The following MYO1D variants were observed in gnomAD, a reference collection of about 807,000 sequenced individuals.
MYO1D encodes unconventional myosin-Id.
MYO1D carries 83 observed loss-of-function variants against 122.0 expected under a neutral mutation model. The observed-to-expected ratio is 0.68, with a 90% CI of 0.57 to 0.82. The LOEUF (loss-of-function observed/expected upper bound fraction) is 0.82, where lower values mean the gene tolerates loss of function less well. Among genes scored for constraint, MYO1D ranks in the 40% least tolerant of loss-of-function variants. The pLI, the probability that MYO1D is intolerant of heterozygous loss-of-function variation, is 0.00. For missense variants in MYO1D, 1,157 were observed against 1,269.5 expected, an observed-to-expected ratio of 0.91 and a Z score of 1.35; for synonymous variants, 464 against 446.9, an observed-to-expected ratio of 1.04 and a Z score of -0.48.
intron 21 of MYO1D, among the ~76,000 whole-genome samples, chr17:32,549,252 C>G (rs2150883129): frequency 6.6e-6 from 1 of 152,178 alleles, no homozygotes; most frequent in South Asian, 2.1e-4. Flanking sequence ...AGCACCACAC[C>G]CAGCTAATTT....
chr17:32,762,383 C>T (rs2090010294), intron 8 of MYO1D, among the ~76,000 whole-genome samples: 1 of 152,078 alleles, frequency 6.6e-6, no homozygotes, highest in Non-Finnish European at 1.5e-5. Flanking sequence ...CATAATAGGT[C>T]CTATGGATTT....
chr17:32,580,669 A>G (rs2087330006), intron 21 of MYO1D, among the ~76,000 whole-genome samples: 1 of 152,094 alleles, frequency 6.6e-6, no homozygotes, highest in Non-Finnish European at 1.5e-5. Context: ...TTGGGCTCCC[A>G]AAGTGCTGGG....
chr17:32,665,350 C>T (rs187573402), intron 16 of MYO1D, among the ~76,000 whole-genome samples: 66 of 152,274 alleles, frequency 4.3e-4, no homozygotes, highest in Non-Finnish European at 7.9e-4. Flanking sequence ...ATTTAAGGGC[C>T]ACTAGGCTGG....
At position 32,780,615 on chromosome 17, in the gene MYO1D, T is replaced by C. The variant is rs758987198; in HGVS notation, c.265A>G (p.Met89Val). 1.9e-6 allele frequency: 3 copies of C among 1,614,148 alleles called. No homozygotes were observed. Among genetic ancestry groups the C allele is most frequent in the South Asian group, 2.2e-5 (2 of 91,086 alleles). Reference sequence around the variant, plus strand: ...CAAGTGTCTTTTGATCGCCTCTTCATAGCCTTGTAAGCAGCATCCGCAATA... The same window carrying C: ...CAAGTGTCTTTTGATCGCCTCTTCACAGCCTTGTAAGCAGCATCCGCAATA... The part of the protein sequence containing the change: ...FAIADAAYKA[M>V]KRRSKDTCIV... The change falls in exon 2 of 22, where the codon ATG becomes GTG. Residue 89 changes from methionine to valine, a missense_variant. Met to Val is a conservative substitution (Grantham distance 21, BLOSUM62 1). Transcript: ENST00000318217.
intron 16 of MYO1D, among the ~76,000 whole-genome samples, chr17:32,663,381 G>C (rs976788139): frequency 1.3e-5 from 2 of 152,152 alleles, no homozygotes; most frequent in African/African-American, 4.8e-5. Context: ...CCTATAACAT[G>C]GACTGGTGTC....
chr17:32,637,223 T>G (rs933330692), intron 20 of MYO1D, among the ~76,000 whole-genome samples: 3 of 152,274 alleles, frequency 2.0e-5, no homozygotes, highest in African/African-American at 7.2e-5. Context: ...ACAATTAATT[T>G]TTTTGGTTTC....
At chr17:32,687,091 C>T (rs1212165522) in intron 16 of MYO1D, among the ~76,000 whole-genome samples, 2 of 151,896 alleles carry the variant, frequency 1.3e-5, no homozygotes, top group Non-Finnish European at 2.9e-5. Flanking sequence ...TTTAATACAA[C>T]TATACTATGA....
At chr17:32,659,031 A>G (rs1029957516) in intron 17 of MYO1D, 84 bp downstream of exon 17, 2 of 1,257,380 alleles carry the variant, frequency 1.6e-6, no homozygotes, top group South Asian at 1.3e-5. Context: ...AGCTGAGTCA[A>G]TATCACGGTC....
intron 17 of MYO1D, among the ~76,000 whole-genome samples, chr17:32,657,095 G>A (rs2088487306): frequency 6.6e-6 from 1 of 152,212 alleles, no homozygotes; most frequent in African/African-American, 2.4e-5. Flanking sequence ...AACAGCTGCA[G>A]CCATAAAAAT....
intron 21 of MYO1D, among the ~76,000 whole-genome samples, chr17:32,505,812 C>G (rs1909484020): frequency 6.6e-6 from 1 of 152,180 alleles, no homozygotes; most frequent in African/African-American, 2.4e-5. Flanking sequence ...AAAAGAACAT[C>G]TAATGCAGGG....
At chr17:32,841,809 C>T (rs1312326258) in intron 1 of MYO1D, among the ~76,000 whole-genome samples, 2 of 152,052 alleles carry the variant, frequency 1.3e-5, no homozygotes, top group African/African-American at 2.4e-5. Context: ...GATAAAGATG[C>T]GGTCTTTAGA....
At chr17:32,606,127 T>C (rs2087625424) in intron 20 of MYO1D, among the ~76,000 whole-genome samples, 2 of 152,202 alleles carry the variant, frequency 1.3e-5, no homozygotes, top group Admixed American at 1.3e-4. Context: ...AATAATTATT[T>C]AAGAGTCACA....
chr17:32,541,962 C>A (rs988951355), intron 21 of MYO1D, among the ~76,000 whole-genome samples: 7 of 152,192 alleles, frequency 4.6e-5, no homozygotes, highest in Non-Finnish European at 8.8e-5. Flanking sequence ...GCTAATTCCT[C>A]TCTTCTTCCT....
chr17:32,557,648 A>T (rs562938832), intron 21 of MYO1D, among the ~76,000 whole-genome samples: 2 of 152,006 alleles, frequency 1.3e-5, no homozygotes, highest in South Asian at 4.2e-4. Flanking sequence ...CTGGGACTAC[A>T]GGAGCACGCC....
At chr17:32,586,622 A>G (rs1301518093) in intron 21 of MYO1D, among the ~76,000 whole-genome samples, 2 of 152,158 alleles carry the variant, frequency 1.3e-5, no homozygotes, top group African/African-American at 4.8e-5. Context: ...TTCTCACTGA[A>G]CTTATGCTTT....
intron 13 of MYO1D, among the ~76,000 whole-genome samples, chr17:32,742,126 C>A (rs1007836078): frequency 6.6e-6 from 1 of 151,706 alleles, no homozygotes; most frequent in Non-Finnish European, 1.5e-5. Context: ...AACAATACAA[C>A]AACTATTTAC....
chr17:32,775,188 C>A (rs1272473160), intron 4 of MYO1D, among the ~76,000 whole-genome samples: 2 of 152,110 alleles, frequency 1.3e-5, no homozygotes, highest in Non-Finnish European at 2.9e-5. Context: ...GTGGTCCCAG[C>A]TACTCAGGAG....
intron 20 of MYO1D, among the ~76,000 whole-genome samples, chr17:32,616,312 T>C (rs2087768205): frequency 6.6e-6 from 1 of 152,024 alleles, no homozygotes; most frequent in African/African-American, 2.4e-5. Flanking sequence ...CATTCTAGTT[T>C]ATTTTACTTC....
At chr17:32,710,360 T>A (rs1239003519) in intron 16 of MYO1D, among the ~76,000 whole-genome samples, 1 of 152,174 alleles carries the variant, frequency 6.6e-6, no homozygotes, top group African/African-American at 2.4e-5. Flanking sequence ...GATTGCTTAG[T>A]AGATGATATT....
Sources: gnomAD v4.1 joint callset for allele counts (sites outside exome capture counted in the v4.1 genomes callset) on GRCh38, gnomAD v4.1.1 for gene constraint, MANE v1.5 for transcripts, NCBI Gene and HGNC (gene_info 2026-07-23, HGNC 2026-07-21) for gene names.